The following NRXN3 variants were observed in gnomAD, a reference collection of about 807,000 sequenced individuals.
The protein encoded by NRXN3 is neurexin III.
NRXN3 carries 32 observed loss-of-function variants against 137.6 expected under a neutral mutation model. That is an observed-to-expected ratio of 0.23 (90% CI 0.18 to 0.31). NRXN3 has a LOEUF of 0.31. NRXN3 is among the 10% of genes least tolerant of loss of function. The pLI is 1.00. For missense variants in NRXN3, 1,574 were observed against 2,062.5 expected (o/e 0.76, Z 4.59); for synonymous variants, 798 against 784.5 (o/e 1.02, Z -0.29).
chr14:78,725,346 T>C (rs1386148952), intron 8 of NRXN3, among the ~76,000 whole-genome samples: 1 of 152,228 alleles, frequency 6.6e-6, no homozygotes, highest in East Asian at 1.9e-4. Context: ...ACTGCTCTGA[T>C]GTTTGTTTAG....
At chr14:78,812,032 A>T (rs927751929) in intron 10 of NRXN3, among the ~76,000 whole-genome samples, 1 of 152,134 alleles carries the variant, frequency 6.6e-6, no homozygotes, top group Non-Finnish European at 1.5e-5. Flanking sequence ...CTTTATTGAG[A>T]TACAATTTTC....
At chr14:79,610,232 G>C (rs1397024513) in intron 16 of NRXN3, among the ~76,000 whole-genome samples, 1 of 152,050 alleles carries the variant, frequency 6.6e-6, no homozygotes. Context: ...AAACAAAGCA[G>C]ACAGTAGCCT....
chr14:78,583,341 C>CT (rs930780413), intron 4 of NRXN3, among the ~76,000 whole-genome samples: 193 of 151,138 alleles, frequency 1.3e-3, no homozygotes, highest in African/African-American at 4.5e-3. Context: ...TGATTATTTT[C>CT]TTTTTTTTAT....
chr14:79,677,829 C>T (rs1224769159), intron 17 of NRXN3, among the ~76,000 whole-genome samples: 1 of 152,120 alleles, frequency 6.6e-6, no homozygotes, highest in African/African-American at 2.4e-5. Context: ...GTTTTATTTC[C>T]ATTTCCAGTA....
Position 78,778,728 on chromosome 14 carries a change from T to TTCTC in NRXN3, c.2045-24884_2045-24881dup, listed in dbSNP as rs1219803376. Among the ~76,000 whole-genome samples, 420 of 134,720 alleles carry TTCTC rather than the reference T, an allele frequency of 3.1e-3. 2 individuals carry two copies. Among genetic ancestry groups the TTCTC allele is most frequent in the Non-Finnish European group, 5.3e-3 (328 of 62,346 alleles). The allele number at this position is 134,720 out of a possible 152,430, so 88.4% of individuals were successfully genotyped here. Reference sequence around the variant, plus strand: ...TTTCTTTCTTTCTTTCTTTCTTTCTTTCTCTCTCTCTTTCTTTCTTTCCTT... The same window carrying TTCTC: ...TTTCTTTCTTTCTTTCTTTCTTTCTTTCTCTCTCTCTCTCTTTCTTTCTTTCCTT... On this transcript the variant is annotated intron_variant, in intron 8 of 20. Coordinates refer to ENST00000335750, the MANE Select transcript of NRXN3 (RefSeq NM_001330195.2).
chr14:78,972,479 C>T (rs1158510629), intron 14 of NRXN3, among the ~76,000 whole-genome samples: 1 of 152,194 alleles, frequency 6.6e-6, no homozygotes, highest in Admixed American at 6.5e-5. Flanking sequence ...TCATGCTGAA[C>T]TCCTAATGTT....
At chr14:78,257,724 C>T (rs556469382) in intron 2 of NRXN3, among the ~76,000 whole-genome samples, 1 of 152,300 alleles carries the variant, frequency 6.6e-6, no homozygotes, top group African/African-American at 2.4e-5. Flanking sequence ...AATGTCTTAA[C>T]TGCTTTGTAG....
At chr14:78,307,624 C>T (rs2077504078) in intron 4 of NRXN3, among the ~76,000 whole-genome samples, 2 of 151,948 alleles carry the variant, frequency 1.3e-5, no homozygotes, top group Admixed American at 6.6e-5. Context: ...CTCTTTTTTC[C>T]TAAGGCATTT....
chr14:79,208,002 A>T (rs554540319), intron 15 of NRXN3, among the ~76,000 whole-genome samples: 1 of 152,324 alleles, frequency 6.6e-6, no homozygotes, highest in African/African-American at 2.4e-5. Flanking sequence ...GAGGAAACTA[A>T]GAAGTTAAGT....
intron 19 of NRXN3, among the ~76,000 whole-genome samples, chr14:79,768,471 C>T (rs1370631807): frequency 2.6e-5 from 4 of 152,146 alleles, no homozygotes; most frequent in African/African-American, 9.7e-5. Context: ...GACCCCTGAC[C>T]CCCGAGCAGC....
chr14:79,319,143 A>G (rs2089496028), intron 15 of NRXN3, among the ~76,000 whole-genome samples: 1 of 152,234 alleles, frequency 6.6e-6, no homozygotes, highest in African/African-American at 2.4e-5. Flanking sequence ...TATTATGAGT[A>G]GAATAAAATC....
chr14:78,367,666 A>G (rs7161493), intron 4 of NRXN3, among the ~76,000 whole-genome samples: 150,682 of 152,286 alleles, frequency 0.99, 74,563 homozygotes, highest in South Asian at 1. Flanking sequence ...ACTTTTTGGG[A>G]GAGAGATTTT....
chr14:79,034,065 C>T (rs1031802503), intron 15 of NRXN3, among the ~76,000 whole-genome samples: 1 of 152,036 alleles, frequency 6.6e-6, no homozygotes, highest in Non-Finnish European at 1.5e-5. Flanking sequence ...GATTTCTTAT[C>T]ACCCACTTCA....
intron 14 of NRXN3, among the ~76,000 whole-genome samples, chr14:78,984,751 G>T (rs2099498806): frequency 6.6e-6 from 1 of 152,154 alleles, no homozygotes; most frequent in African/African-American, 2.4e-5. Flanking sequence ...AGGAGATGCA[G>T]ATGCTGCTGG....
chr14:78,959,817 C>G (rs1176891416), intron 11 of NRXN3, among the ~76,000 whole-genome samples: 1 of 151,944 alleles, frequency 6.6e-6, no homozygotes, highest in African/African-American at 2.4e-5. Context: ...ACATCTGTTG[C>G]TCACTCCTCT....
chr14:79,698,023 A>G (rs1005236441), intron 19 of NRXN3, 86 bp downstream of exon 19: 212 of 1,217,630 alleles, frequency 1.7e-4, no homozygotes, highest in Middle Eastern at 4.2e-4. Flanking sequence ...GTAGCTAAAG[A>G]GTTTGAATTA....
chr14:78,837,631 C>T (rs1167479098), intron 10 of NRXN3, among the ~76,000 whole-genome samples: 1 of 152,128 alleles, frequency 6.6e-6, no homozygotes, highest in Non-Finnish European at 1.5e-5. Flanking sequence ...TCCCCACCCC[C>T]ATGCCTGTCC....
At chr14:79,487,189 C>T (rs1234644836) in intron 16 of NRXN3, among the ~76,000 whole-genome samples, 1 of 152,110 alleles carries the variant, frequency 6.6e-6, no homozygotes, top group Admixed American at 6.5e-5. Context: ...TAAATGACAC[C>T]TGTAAAGCAC....
At chr14:79,346,662 T>C (rs1330199923) in intron 15 of NRXN3, among the ~76,000 whole-genome samples, 2 of 152,170 alleles carry the variant, frequency 1.3e-5, no homozygotes, top group Admixed American at 1.3e-4. Flanking sequence ...TTTCCTGTTC[T>C]TTGAAGATGT....
Sources: allele counts gnomAD v4.1 joint callset (sites outside exome capture counted in the v4.1 genomes callset), GRCh38; gene constraint gnomAD v4.1.1; transcripts MANE v1.5; gene names NCBI Gene and HGNC (gene_info 2026-07-23, HGNC 2026-07-21).